Variants in FIS1 observed in about 807,000 individuals in gnomAD.
The protein encoded by FIS1 is mitochondrial fission 1 protein.
In FIS1, 16 loss-of-function variants were observed where a neutral mutation model predicts 21.6. The observed-to-expected ratio is 0.74, with a 90% CI of 0.50 to 1.12. The LOEUF (loss-of-function observed/expected upper bound fraction) is 1.12, where lower values mean the gene tolerates loss of function less well. FIS1 is among the 50% of genes most tolerant of loss of function. The probability of loss-of-function intolerance (pLI) is 0.00; values close to 1 mark genes in which losing one functional copy is unlikely to be tolerated. For synonymous variants in FIS1, 92 were observed against 82.2 expected (o/e 1.12, Z -0.65); for missense variants, 198 against 190.9 (o/e 1.04, Z -0.22).
intron 3 of FIS1, 75 bp downstream of exon 3, chr7:101,240,755 C>G: frequency 1.4e-6 from 2 of 1,419,042 alleles, no homozygotes; most frequent in Non-Finnish European, 2.0e-6. Context: ...CTGTCCAGGG[C>G]TCCACCCTGG....
intron 2 of FIS1, chr7:101,241,917 C>A (rs1054702050): frequency 4.0e-5 from 6 of 151,674 alleles, no homozygotes; most frequent in African/African-American, 1.5e-4. Context: ...CAAGATTGCA[C>A]CATTGCACAC....
intron 1 of FIS1, chr7:101,244,645 T>C: frequency 2.0e-6 from 1 of 503,230 alleles, no homozygotes; most frequent in Non-Finnish European, 3.6e-6. Context: ...TGATGGTCAC[T>C]GTATTCCTCC....
At position 101,244,113 on chromosome 7, in the gene FIS1, C is replaced by G. The variant is rs756080548; in HGVS notation, c.72G>C (p.Glu24Asp). The stretch of plus-strand genomic sequence containing the variant: ...TCTTGGACACCGAGCCTGCTGCCTT[C>G]TCAGACTGAAATTTCTTTTCAAACT... ...LLKFEKKFQS[E>D]KAAGSVSKST... The change falls in exon 2 of 5, where the codon GAG becomes GAC. Residue 24 changes from glutamate to aspartate, a missense_variant. Coordinates refer to ENST00000223136, the MANE Select transcript of FIS1 (RefSeq NM_016068.3). 1.9e-6 allele frequency: 3 copies of G among 1,613,808 alleles called. No homozygotes were observed. Among genetic ancestry groups the G allele is most frequent in the Admixed American group, 3.3e-5 (2 of 59,996 alleles).
At position 101,244,135 on chromosome 7, in the gene FIS1, A is replaced by C; in HGVS notation, c.50T>G (p.Phe17Cys). ...CTTCTCAGACTGAAATTTCTTTTCA[A>C]ACTTCTGCCACAGGGGAGGAAAGGA... The part of the protein sequence containing the change: ...ELVSVEDLLK[F>C]EKKFQSEKAA... Residue 17 changes from phenylalanine to cysteine, a missense_variant, in exon 2 of 5, where the codon TTT (phenylalanine) becomes TGT (cysteine). Transcript: ENST00000223136. 1 of 1,613,206 alleles carries C rather than the reference A, an allele frequency of 6.2e-7. No homozygotes were observed. The highest frequency in any genetic ancestry group is 8.5e-7 in the Non-Finnish European group (1 of 1,179,434).
chr7:101,239,936 G>A lies in FIS1; in HGVS notation c.362-33C>T, dbSNP rs1276355022. 6 of 1,552,436 alleles carry A rather than the reference G, an allele frequency of 3.9e-6. No homozygotes were observed. The African/African-American group carries it at 4.1e-5, about 11-fold the overall frequency. Reference sequence around the variant, plus strand: ...AGGAAAGGGACAGTGTCAGGAGCCCGGCCCCTGCGGAAACCCTGACCGTCC... The same window carrying A: ...AGGAAAGGGACAGTGTCAGGAGCCCAGCCCCTGCGGAAACCCTGACCGTCC... On this transcript the variant is annotated intron_variant, in intron 4 of 4. Coordinates refer to ENST00000223136, the MANE Select transcript of FIS1 (RefSeq NM_016068.3).
Position 101,239,829 on chromosome 7 carries a change from CA to C in FIS1, c.435del (p.Ala146LeufsTer62). On this transcript the variant is annotated frameshift_variant, in exon 5 of 5. Transcript: ENST00000223136. LOFTEE classifies it high-confidence loss of function. ...CTTCAGGATTTGGACTTGGACACAG[CA>C]AGTCCGATGAGTCCGGCCAGTCCCG... is the stretch of plus-strand genomic sequence containing the variant. ...GVAGLAGLIG[L>X]AVSKSKS The C allele has an allele frequency of 6.3e-7, 1 of 1,596,812 alleles. No homozygotes were observed. Among genetic ancestry groups the C allele is most frequent in the South Asian group, 1.1e-5 (1 of 88,446 alleles).
At chr7:101,240,291 T>C (rs745838676) in intron 3 of FIS1, 44 bp from the exon 4 acceptor site, 1 of 1,587,938 alleles carries the variant, frequency 6.3e-7, no homozygotes, top group African/African-American at 1.3e-5. Context: ...ACCGCAGTGT[T>C]TTTTTGTTTG....
At chr7:101,240,271 CGTCATACACACCGCAGT>C in intron 3 of FIS1, 24 bp from the exon 4 acceptor site, 5 of 1,605,732 alleles carry the variant, frequency 3.1e-6, no homozygotes, top group Non-Finnish European at 4.3e-6. Context: ...AACGCGCACG[CGTCATACACACCGCAGT>C]GTTTTTTTGT....
At chr7:101,244,670 G>T in intron 1 of FIS1, 1 of 531,420 alleles carries the variant, frequency 1.9e-6, no homozygotes, top group Non-Finnish European at 3.4e-6. Flanking sequence ...CTGGAGGAGC[G>T]CCCTGAGCTC....
rs1027533266 is a variant in FIS1, at chr7:101,240,232, A to C, written c.271T>G (p.Leu91Val). Residue 91 changes from leucine to valine, a missense_variant, in exon 4 of 5, where the codon TTA becomes GTA. Coordinates refer to ENST00000223136, the MANE Select transcript of FIS1 (RefSeq NM_016068.3). ...NYRLKEYEKA[L>V]KYVRGLLQTE... ...TGCAGCAACCCGCGGACGTACTTTA[A>C]GGCCTTCTCGTATTCCTGCGCTCGG... is the stretch of plus-strand genomic sequence containing the variant. 6.2e-7 allele frequency: 1 copy of C among 1,614,208 alleles called. No homozygotes were observed. The highest frequency in any genetic ancestry group is 8.5e-7 in the Non-Finnish European group (1 of 1,180,024).
chr7:101,245,023 C>A lies in FIS1; in HGVS notation c.-19G>T. 6.2e-7 allele frequency: 1 copy of A among 1,613,724 alleles called. No individual in the cohort carries two copies. The highest frequency in any genetic ancestry group is 1.1e-5 in the South Asian group (1 of 91,010). On this transcript the variant is annotated 5_prime_UTR_variant, in exon 1 of 5. Transcript: ENST00000223136. ...CCTCCATGGCCACTGCCCCCGCGAGCCTCACACTACAGTCTACTGTGCCAC... is the reference window on the plus strand; with the variant it reads ...CCTCCATGGCCACTGCCCCCGCGAGACTCACACTACAGTCTACTGTGCCAC...
intron 1 of FIS1, 98 bp downstream of exon 1, chr7:101,244,862 G>A (rs1436398466): frequency 1.3e-6 from 2 of 1,502,122 alleles, no homozygotes; most frequent in South Asian, 2.3e-5. Context: ...GCTTCCCTCG[G>A]CCAAGCCGAT....
Position 101,240,841 on chromosome 7 carries a change from A to G in FIS1, c.244T>C (p.Tyr82His), listed in dbSNP as rs1453101030. Residue 82 changes from tyrosine to histidine, a missense_variant, in exon 3 of 5, where the codon TAC becomes CAC. Coordinates refer to ENST00000223136, the MANE Select transcript of FIS1 (RefSeq NM_016068.3). ...DYVFYLAVGNYRLKEYEKALK... is the reference protein window; with the variant it reads ...DYVFYLAVGNHRLKEYEKALK... ...GGTCCCCACCTCACCTTGAGCCGGTAGTTCCCCACGGCCAGGTAGAAGACG... is the reference window on the plus strand; with the variant it reads ...GGTCCCCACCTCACCTTGAGCCGGTGGTTCCCCACGGCCAGGTAGAAGACG... The G allele has an allele frequency of 1.2e-6, 2 of 1,613,828 alleles. No individual in the cohort carries two copies. The highest frequency in any genetic ancestry group is 2.7e-5 in the African/African-American group (2 of 74,936).
In FIS1 at chr7:101,244,961, A is replaced by G; in HGVS notation, c.44T>C (p.Leu15Pro). The change falls in exon 1 of 5, where the codon CTG (leucine) becomes CCG (proline). Residue 15 changes from leucine (L) to proline (P), a missense_variant and splice_region_variant. Transcript: ENST00000223136. ...LNELVSVEDLLKFEKKFQSEK... is the reference protein window; with the variant it reads ...LNELVSVEDLPKFEKKFQSEK... Reference sequence around the variant, plus strand: ...CCCTCTGTCCGGGCCAGGCCTCACCAGCAGGTCCTCCACAGACACCAGCTC... The same window carrying G: ...CCCTCTGTCCGGGCCAGGCCTCACCGGCAGGTCCTCCACAGACACCAGCTC... 1 of 1,614,060 alleles carries G rather than the reference A, an allele frequency of 6.2e-7. No individual in the cohort carries two copies. The highest frequency in any genetic ancestry group is 8.5e-7 in the Non-Finnish European group (1 of 1,179,962).
rs1562909443 is a variant in FIS1 at position 101,245,031 on chromosome 7, T to C, written c.-27A>G. The C allele has an allele frequency of 1.2e-6, 2 of 1,613,454 alleles. No homozygotes were observed. The highest frequency in any genetic ancestry group is 1.7e-6 in the Non-Finnish European group (2 of 1,179,676). On this transcript the variant is annotated 5_prime_UTR_variant, in exon 1 of 5. Transcript: ENST00000223136. ...GCCACTGCCCCCGCGAGCCTCACACTACAGTCTACTGTGCCACAGTCTCCA... is the reference window on the plus strand; with the variant it reads ...GCCACTGCCCCCGCGAGCCTCACACCACAGTCTACTGTGCCACAGTCTCCA...
chr7:101,244,264 C>CTCCA, intron 1 of FIS1, 125 bp from the exon 2 acceptor site: 1 of 1,278,632 alleles, frequency 7.8e-7, no homozygotes. Context: ...ACCCCAGCTT[C>CTCCA]TGCTATCTCC....
intron 2 of FIS1, 83 bp from the exon 3 acceptor site, chr7:101,240,989 C>A: frequency 7.7e-7 from 1 of 1,296,978 alleles, no homozygotes; most frequent in African/African-American, 1.5e-5. Context: ...CCCTTCCACT[C>A]TCTGAATGCC....
At chr7:101,244,429 G>C in intron 1 of FIS1, 1 of 417,554 alleles carries the variant, frequency 2.4e-6, no homozygotes, top group Non-Finnish European at 4.4e-6. Flanking sequence ...CCCGGCGGCC[G>C]AACAGTAAAC....
rs1376923987 is a variant in FIS1, at chr7:101,239,862, C to T, written c.403G>A (p.Gly135Ser). ...ATGAGTCCGGCCAGTCCCGCCACAC[C>T]CAGGGCCATGCCTCCCACGATGGCC... is the stretch of plus-strand genomic sequence containing the variant. ...GMAIVGGMAL[G>S]VAGLAGLIGL... Residue 135 changes from glycine to serine, a missense_variant, in exon 5 of 5, where the codon GGT becomes AGT. By Grantham distance (56) the Gly-to-Ser change is moderately conservative. Coordinates refer to ENST00000223136, the MANE Select transcript of FIS1 (RefSeq NM_016068.3). 6.2e-7 allele frequency: 1 copy of T among 1,609,682 alleles called. No individual in the cohort carries two copies. Among genetic ancestry groups the T allele is most frequent in the Non-Finnish European group, 8.5e-7 (1 of 1,178,146 alleles).
Sources: allele counts gnomAD v4.1 joint callset, GRCh38; gene constraint gnomAD v4.1.1; transcripts MANE v1.5; gene names NCBI Gene and HGNC (gene_info 2026-07-23, HGNC 2026-07-21).